The following WASF1 variants were observed in gnomAD, a reference collection of about 807,000 sequenced individuals.
WASF1 encodes the protein actin-binding protein WASF1.
Under a neutral mutation model 50.5 loss-of-function variants are expected in WASF1, and 7 were observed. The observed-to-expected ratio is 0.14, with a 90% confidence interval of 0.08 to 0.26. The LOEUF (loss-of-function observed/expected upper bound fraction) is 0.26. Among genes scored for constraint, WASF1 ranks in the 10% least tolerant of loss-of-function variants. WASF1 has a pLI of 1.00. For missense variants in WASF1, 470 were observed against 694.7 expected (o/e 0.68, Z 3.64); for synonymous variants, 205 against 244.0 (o/e 0.84, Z 1.49).
intron 3 of WASF1, among the ~76,000 whole-genome samples, chr6:110,144,028 G>A (rs1210898914): frequency 6.6e-6 from 1 of 152,074 alleles, no homozygotes; most frequent in Non-Finnish European, 1.5e-5. Context: ...GATCCCTGAG[G>A]AATCACCACA....
chr6:110,118,884 G>T (rs1297248904), intron 4 of WASF1, among the ~76,000 whole-genome samples: 1 of 152,178 alleles, frequency 6.6e-6, no homozygotes, highest in Non-Finnish European at 1.5e-5. Context: ...TCAGGATTAA[G>T]AAACTCACTC....
At chr6:110,103,590 C>A in intron 8 of WASF1, 33 bp from the exon 9 acceptor site, 1 of 1,538,922 alleles carries the variant, frequency 6.5e-7, no homozygotes, top group Non-Finnish European at 8.8e-7. Flanking sequence ...GTGAATTATT[C>A]TTGAATTATT....
chr6:110,161,152 T>C (rs1776247216), intron 2 of WASF1, among the ~76,000 whole-genome samples: 2 of 151,616 alleles, frequency 1.3e-5, no homozygotes, highest in Non-Finnish European at 1.5e-5. Flanking sequence ...AAAAGCGGTA[T>C]TCTAAATTCA....
chr6:110,106,518 T>C lies in WASF1; in HGVS notation c.540+559A>G, dbSNP rs1441505786. Among the ~76,000 whole-genome samples the C allele has an allele frequency of 2.0e-5, 3 of 152,346 alleles. No homozygotes were observed. The East Asian group carries it at 5.8e-4, about 29-fold the overall frequency. Reference sequence around the variant, plus strand: ...TTGCTTCATCCTTCTGTGTTTTCAGTTATCATTAACATGAAATATAAAGCA... The same window carrying C: ...TTGCTTCATCCTTCTGTGTTTTCAGCTATCATTAACATGAAATATAAAGCA... On this transcript the variant is annotated intron_variant, in intron 7 of 10. Transcript: ENST00000392589.
chr6:110,104,251 C>T (rs1465944117), intron 8 of WASF1, among the ~76,000 whole-genome samples: 2 of 152,016 alleles, frequency 1.3e-5, no homozygotes, highest in Admixed American at 1.3e-4. Context: ...CAGATGTGCA[C>T]ACAGCAAGTC....
rs141088144 is a variant in WASF1 at position 110,099,870 on chromosome 6, T to G, written c.*652A>C. On this transcript the variant is annotated 3_prime_UTR_variant, in exon 11 of 11. Coordinates refer to ENST00000392589, the MANE Select transcript of WASF1 (RefSeq NM_003931.3). ...ATCAGACTGTTATTCTTAACAGTTA[T>G]GTAAGTTACATGTATGTTTAAGTCA... 9.2e-5 allele frequency: 14 copies of G among 152,762 alleles called. No individual in the cohort carries two copies. The highest frequency in any genetic ancestry group is 3.4e-4 in the African/African-American group (14 of 41,590). The allele number at this position is 152,762 out of a possible 1,614,324, so 9.5% of individuals were successfully genotyped here.
chr6:110,122,778 G>T (rs950934061), intron 4 of WASF1, among the ~76,000 whole-genome samples: 1 of 151,820 alleles, frequency 6.6e-6, no homozygotes, highest in African/African-American at 2.4e-5. Context: ...TTATGTTCTC[G>T]GTAAGGCTTC....
rs1773047475 is a variant in WASF1, at chr6:110,100,780, A to C, written c.1523-101T>G. The C allele has an allele frequency of 4.9e-6, 6 of 1,221,240 alleles. No individual in the cohort carries two copies. In the Admixed American group the frequency reaches 1.7e-4, roughly 35 times the overall value. The allele number at this position is 1,221,240 out of a possible 1,614,324, so 75.7% of individuals were successfully genotyped here. Reference sequence around the variant, plus strand: ...AATCAAATACACATGAGAAATACTTATAGGAAAATAAAAAGATCAGAAAAG... The same window carrying C: ...AATCAAATACACATGAGAAATACTTCTAGGAAAATAAAAAGATCAGAAAAG... On this transcript the variant is annotated intron_variant, in intron 10 of 10. Transcript: ENST00000392589.
chr6:110,116,818 A>G (rs1773834275), intron 4 of WASF1, among the ~76,000 whole-genome samples: 1 of 152,152 alleles, frequency 6.6e-6, no homozygotes, highest in Non-Finnish European at 1.5e-5. Context: ...TCTGGGATGA[A>G]GCTTCCAGAG....
At chr6:110,112,371 T>C (rs1421107031) in intron 5 of WASF1, among the ~76,000 whole-genome samples, 1 of 152,100 alleles carries the variant, frequency 6.6e-6, no homozygotes, top group Non-Finnish European at 1.5e-5. Context: ...AAAAGATGCA[T>C]TTGGGAAACG....
At chr6:110,114,116 T>C (rs1397556899) in intron 4 of WASF1, among the ~76,000 whole-genome samples, 1 of 152,232 alleles carries the variant, frequency 6.6e-6, no homozygotes, top group Admixed American at 6.5e-5. Context: ...GTGTTGTTAC[T>C]ATCCACTTAA....
Position 110,108,500 on chromosome 6 carries a change from T to C in WASF1, c.422+28A>G, listed in dbSNP as rs147958463. The C allele has an allele frequency of 3.4e-4, 537 of 1,565,474 alleles. 5 individuals carry two copies. The African/African-American group carries it at 6.3e-3, about 18-fold the overall frequency. On this transcript the variant is annotated intron_variant, in intron 6 of 10. Transcript: ENST00000392589. ...TCAATCTGAAGTCTGAGATAAATAA[T>C]AGGGCTACTATTTATTAACCTACCT...
intron 4 of WASF1, among the ~76,000 whole-genome samples, chr6:110,125,744 A>G (rs1429599421): frequency 6.6e-6 from 1 of 152,178 alleles, no homozygotes; most frequent in Non-Finnish European, 1.5e-5. Flanking sequence ...AACTGCTTAA[A>G]CAATGCCTTC....
At chr6:110,173,370 A>G (rs373789614) in intron 2 of WASF1, among the ~76,000 whole-genome samples, 7 of 152,212 alleles carry the variant, frequency 4.6e-5, no homozygotes, top group African/African-American at 1.7e-4. Flanking sequence ...ATGTCATCAC[A>G]CCCAAAACCC....
At chr6:110,110,959 A>C (rs1160539460) in intron 5 of WASF1, among the ~76,000 whole-genome samples, 1 of 152,152 alleles carries the variant, frequency 6.6e-6, no homozygotes, top group African/African-American at 2.4e-5. Flanking sequence ...GCTCCACAAA[A>C]TTTTAAAGGA....
At chr6:110,119,137 G>C (rs1773960513) in intron 4 of WASF1, among the ~76,000 whole-genome samples, 1 of 152,138 alleles carries the variant, frequency 6.6e-6, no homozygotes, top group Non-Finnish European at 1.5e-5. Flanking sequence ...AAAAGAACTA[G>C]AGAAGCAAGA....
chr6:110,135,876 CTTTTTTTT>C (rs778710982), intron 3 of WASF1, among the ~76,000 whole-genome samples: 4 of 68,306 alleles, frequency 5.9e-5, no homozygotes, highest in East Asian at 4.3e-4. Flanking sequence ...AGTCCATTAT[CTTTTTTTT>C]TTTTTTTTTT....
chr6:110,153,131 T>C (rs920184270), intron 3 of WASF1, among the ~76,000 whole-genome samples: 3 of 152,218 alleles, frequency 2.0e-5, no homozygotes, highest in Admixed American at 6.5e-5. Context: ...GAACATTTTA[T>C]ACAAGTCTCT....
chr6:110,149,754 T>TTTA (rs1365272126), intron 3 of WASF1, among the ~76,000 whole-genome samples: 2 of 152,144 alleles, frequency 1.3e-5, no homozygotes, highest in Non-Finnish European at 2.9e-5. Context: ...GTTTCTGGGG[T>TTTA]ACATGGATAA....
Sources: allele counts gnomAD v4.1 joint callset (sites outside exome capture counted in the v4.1 genomes callset), GRCh38; gene constraint gnomAD v4.1.1; transcripts MANE v1.5; gene names NCBI Gene and HGNC (gene_info 2026-07-23, HGNC 2026-07-21).